USP33: variants seen among roughly 807,000 people sequenced by gnomAD.
The protein encoded by USP33 is ubiquitin specific peptidase 33, also known as ubiquitin carboxyl-terminal hydrolase 33.
In USP33, 46 loss-of-function variants were observed where a neutral mutation model predicts 124.2. The observed-to-expected ratio is 0.37, with a 90% CI of 0.29 to 0.47. USP33 has a LOEUF of 0.47. Ranked by LOEUF, USP33 falls within the 20% of genes least tolerant of loss-of-function variation. The probability of loss-of-function intolerance (pLI) is 0.99; values close to 1 mark genes in which losing one functional copy is unlikely to be tolerated. For missense variants in USP33, 851 were observed against 1,070.6 expected (o/e 0.79, Z 2.86); for synonymous variants, 350 against 352.3 (o/e 0.99, Z 0.07).
chr1:77,719,392 G>A (rs577846807), intron 15 of USP33, among the ~76,000 whole-genome samples: 12 of 152,112 alleles, frequency 7.9e-5, no homozygotes, highest in South Asian at 2.1e-4. Context: ...CCAAGATATC[G>A]GTAATCAAAA....
At chr1:77,715,649 C>G in intron 18 of USP33, 93 bp downstream of exon 18, 1 of 1,409,302 alleles carries the variant, frequency 7.1e-7, no homozygotes, top group South Asian at 1.5e-5. Flanking sequence ...AATTCCTAAT[C>G]TTGACTCAGC....
In USP33 at chr1:77,728,548, G is replaced by C; in HGVS notation, c.882C>G (p.Ser294Arg). The C allele has an allele frequency of 6.2e-7, 1 of 1,613,988 alleles. No individual in the cohort carries two copies. The highest frequency in any genetic ancestry group is 1.6e-4 in the Middle Eastern group (1 of 6,062). Residue 294 changes from serine (S) to arginine (R), a missense_variant, in exon 10 of 24, where the codon AGC (serine) becomes AGG (arginine). Ser to Arg is a moderately radical substitution (Grantham distance 110). Around this residue, in one of 4 missense-constraint regions of USP33, gnomAD observed 207 missense variants for 200.9 expected, o/e 1.03. Transcript: ENST00000370794. ...DVDFQSCESC[S>R]NSDRAENENG... ...TTTCATTTTCTGCTCTATCACTGTTGCTACAAGATTCACAAGACTGAAAAT... is the reference window on the plus strand; with the variant it reads ...TTTCATTTTCTGCTCTATCACTGTTCCTACAAGATTCACAAGACTGAAAAT...
intron 9 of USP33, 147 bp from the exon 10 acceptor site, chr1:77,728,859 T>G (rs1455172534): frequency 1.2e-6 from 1 of 850,220 alleles, no homozygotes. Flanking sequence ...CATAAGGCAC[T>G]AGATAAATGA....
chr1:77,696,541 A>T lies in USP33; in HGVS notation c.*776T>A, dbSNP rs1441187797. 3.9e-5 allele frequency: 6 copies of T among 152,644 alleles called. No homozygotes were observed. Among genetic ancestry groups the T allele is most frequent in the African/African-American group, 9.6e-5 (4 of 41,470 alleles). 9.5% of individuals were successfully genotyped at this position (152,644 alleles called of 1,614,324 possible). A position where few individuals can be genotyped will look rare whatever the true frequency, so the allele number is the denominator to read the frequency against. On this transcript the variant is annotated 3_prime_UTR_variant, in exon 24 of 24. Transcript: ENST00000370794. ...CTAGTTTCCTGAGCTTTAGGAAATT[A>T]ACAATTTTCTGACTACTACTTTCAA...
chr1:77,725,566 C>T, intron 11 of USP33, 56 bp downstream of exon 11: 7 of 1,552,600 alleles, frequency 4.5e-6, no homozygotes, highest in Non-Finnish European at 6.1e-6. Context: ...GTACCAAAAC[C>T]ATCATTTTAA....
At chr1:77,711,932 G>C in intron 20 of USP33, 77 bp from the exon 21 acceptor site, 1 of 1,332,200 alleles carries the variant, frequency 7.5e-7, no homozygotes, top group Non-Finnish European at 1.0e-6. Flanking sequence ...CAAATACCCA[G>C]TAAAAATAAA....
chr1:77,717,797 A>C, intron 17 of USP33, 70 bp downstream of exon 17: 1 of 1,383,918 alleles, frequency 7.2e-7, no homozygotes, highest in Non-Finnish European at 9.6e-7. Flanking sequence ...TACAGGTATG[A>C]GCCACCACGC....
chr1:77,755,096 A>G (rs1388979925), intron 1 of USP33, among the ~76,000 whole-genome samples: 1 of 152,204 alleles, frequency 6.6e-6, no homozygotes, highest in African/African-American at 2.4e-5. Flanking sequence ...GCTGATGATA[A>G]TTTTCACTCT....
intron 7 of USP33, among the ~76,000 whole-genome samples, chr1:77,731,045 T>C (rs949443507): frequency 6.6e-6 from 1 of 152,180 alleles, no homozygotes; most frequent in African/African-American, 2.4e-5. Flanking sequence ...TTCCTACTTT[T>C]CCTCTTTAGC....
At position 77,700,115 on chromosome 1, in the gene USP33, T is replaced by C. The variant is rs567994455; in HGVS notation, c.2509+1254A>G. On this transcript the variant is annotated intron_variant, in intron 22 of 23. Transcript: ENST00000370794. ...CATGCTGGGCTTGATACCTAGGTAA[T>C]GGGTTGATAGGTGGAGCAAATCGCC... is the stretch of plus-strand genomic sequence containing the variant. Among the ~76,000 whole-genome samples, 13 of 152,264 alleles carry C rather than the reference T, an allele frequency of 8.5e-5. No individual in the cohort carries two copies. In the South Asian group the frequency reaches 2.7e-3, roughly 32 times the overall value.
intron 15 of USP33, among the ~76,000 whole-genome samples, 179 bp downstream of exon 15, chr1:77,720,993 T>G (rs1676504189): frequency 6.6e-6 from 1 of 152,202 alleles, no homozygotes; most frequent in African/African-American, 2.4e-5. Flanking sequence ...CCTATTAAAT[T>G]TGTCAAATTT....
intron 15 of USP33, chr1:77,720,217 AAAAGAT>A (rs1196370855): frequency 1.4e-6 from 1 of 737,216 alleles, no homozygotes; most frequent in Non-Finnish European, 1.7e-6. Flanking sequence ...CATGTGGAAA[AAAAGAT>A]AAAGGATGGT....
In USP33 at chr1:77,739,326, C is replaced by T. The variant is rs573453296; in HGVS notation, c.290G>A (p.Gly97Glu). Residue 97 changes from glycine (G) to glutamate (E), a missense_variant, in exon 5 of 24, where the codon GGA becomes GAA. Around this residue, in one of 4 missense-constraint regions of USP33, gnomAD observed 221 missense variants for 302.9 expected, o/e 0.73. Coordinates refer to ENST00000370794, the MANE Select transcript of USP33 (RefSeq NM_201624.3). ...SKEVFLDRKLGTQPSLPHVRQ... is the reference protein window; with the variant it reads ...SKEVFLDRKLETQPSLPHVRQ... ...TACATGAGGCAATGAAGGCTGAGTT[C>T]CTAATTTCCTATCCAAAAATACTTC... The T allele has an allele frequency of 2.5e-6, 4 of 1,613,806 alleles. No individual in the cohort carries two copies. The African/African-American group carries it at 5.3e-5, about 22-fold the overall frequency.
chr1:77,751,316 A>C (rs1027837266), intron 1 of USP33, among the ~76,000 whole-genome samples: 1 of 152,194 alleles, frequency 6.6e-6, no homozygotes, highest in Non-Finnish European at 1.5e-5. Flanking sequence ...TATGATGTAC[A>C]GCTCCGGTGG....
intron 20 of USP33, among the ~76,000 whole-genome samples, chr1:77,712,176 C>T (rs1675338425): frequency 6.6e-6 from 1 of 152,148 alleles, no homozygotes; most frequent in Admixed American, 6.5e-5. Context: ...CAGTCATAGT[C>T]AAGTTTTCAT....
At chr1:77,716,114 AGT>A (rs1374370219) in intron 17 of USP33, among the ~76,000 whole-genome samples, 1 of 152,172 alleles carries the variant, frequency 6.6e-6, no homozygotes, top group Admixed American at 6.5e-5. Flanking sequence ...GCTGGCGTTC[AGT>A]GAAGGGATCA....
chr1:77,730,938 G>A (rs1344257397), intron 7 of USP33, among the ~76,000 whole-genome samples: 1 of 152,140 alleles, frequency 6.6e-6, no homozygotes, highest in Non-Finnish European at 1.5e-5. Context: ...CCTCCATGCT[G>A]CCAGATACAC....
chr1:77,698,568 T>TCGGCTCACTGCAAGCTC (rs1363721337), intron 22 of USP33, among the ~76,000 whole-genome samples: 1 of 147,460 alleles, frequency 6.8e-6, no homozygotes, highest in Admixed American at 6.8e-5. Flanking sequence ...TGGCATCATC[T>TCGGCTCACTGCAAGCTC]CGGCTCACTG....
chr1:77,701,519 A>C, intron 21 of USP33, 48 bp from the exon 22 acceptor site: 1 of 1,444,472 alleles, frequency 6.9e-7, no homozygotes, highest in South Asian at 1.2e-5. Flanking sequence ...AACTTGCTTT[A>C]TGGCAAAACA....
Sources: gnomAD v4.1 joint callset for allele counts (sites outside exome capture counted in the v4.1 genomes callset) on GRCh38, gnomAD v4.1.1 for gene constraint, gnomAD v4.1.1 regional missense constraint, MANE v1.5 for transcripts, NCBI Gene and HGNC (gene_info 2026-07-23, HGNC 2026-07-21) for gene names.